BICRAL: variants seen among roughly 807,000 people sequenced by gnomAD.
BICRAL encodes BICRA like chromatin remodeling complex associated protein.
In BICRAL, 8 loss-of-function variants were observed where a neutral mutation model predicts 91.8. The observed-to-expected ratio is 0.09, with a 90% CI of 0.05 to 0.16. BICRAL has a LOEUF of 0.16. BICRAL is among the 10% of genes least tolerant of loss of function. BICRAL has a pLI of 1.00. For synonymous variants in BICRAL, 445 were observed against 491.1 expected (o/e 0.91, Z 1.24); for missense variants, 1,038 against 1,310.9 (o/e 0.79, Z 3.21).
chr6:42,778,270 G>C, upstream of BICRAL, among the ~76,000 whole-genome samples: 1 of 152,322 alleles, frequency 6.6e-6, no homozygotes, highest in South Asian at 2.1e-4. Flanking sequence ...AAACAGCAAA[G>C]ACTGCTTGTT....
At chr6:42,773,360 G>A (rs1486863524) in intron 1 of BICRAL, among the ~76,000 whole-genome samples, 1 of 151,846 alleles carries the variant, frequency 6.6e-6, no homozygotes, top group East Asian at 1.9e-4. Flanking sequence ...TTACAGTCGT[G>A]AGCCACTGCA....
At chr6:42,824,696 T>C (rs1328802863) in intron 5 of BICRAL, among the ~76,000 whole-genome samples, 1 of 152,264 alleles carries the variant, frequency 6.6e-6, no homozygotes, top group Non-Finnish European at 1.5e-5. Flanking sequence ...TGAACCTTGT[T>C]ACATAATAAT....
upstream of BICRAL, among the ~76,000 whole-genome samples, chr6:42,779,873 G>C (rs2113854868): frequency 6.6e-6 from 1 of 152,096 alleles, no homozygotes; most frequent in Non-Finnish European, 1.5e-5. Flanking sequence ...CTCCCATCTT[G>C]GCCTCCCAAA....
intron 1 of BICRAL, among the ~76,000 whole-genome samples, chr6:42,783,067 CGCGGCGAGGAGAGCAGGTCCGGGGT>C (rs1762971909): frequency 6.6e-6 from 1 of 151,598 alleles, no homozygotes; most frequent in African/African-American, 2.4e-5. Context: ...TGCGGGCGGC[CGCGGCGAGGAGAGCAGGTCCGGGGT>C]GCGGCGGGGA....
intron 10 of BICRAL, among the ~76,000 whole-genome samples, chr6:42,858,677 C>T (rs546641304): frequency 4.6e-5 from 7 of 151,636 alleles, no homozygotes; most frequent in Admixed American, 2.0e-4. Flanking sequence ...ATTAGCCAGG[C>T]GTGGTGGCAC....
At chr6:42,779,223 AACACACACACAC>A (rs57493144), upstream of BICRAL, among the ~76,000 whole-genome samples, 4,977 of 132,502 alleles carry the variant, frequency 0.038, 120 homozygotes, top group Middle Eastern at 0.06. Context: ...TCTCAAGAAA[AACACACACACAC>A]ACACACACAC....
intron 2 of BICRAL, among the ~76,000 whole-genome samples, chr6:42,811,808 G>A (rs1374581074): frequency 6.6e-6 from 1 of 152,182 alleles, no homozygotes; most frequent in African/African-American, 2.4e-5. Context: ...ACATAGGGCA[G>A]AGAATAGTTT....
intron 1 of BICRAL, among the ~76,000 whole-genome samples, chr6:42,755,834 TA>T (rs202028143): frequency 4.0e-5 from 6 of 151,780 alleles, no homozygotes; most frequent in Admixed American, 6.6e-5. Context: ...CACGCCCGGC[TA>T]ATTTTTTTTT....
intron 2 of BICRAL, among the ~76,000 whole-genome samples, chr6:42,820,774 C>A (rs749966378): frequency 1.6e-4 from 24 of 152,216 alleles, no homozygotes; most frequent in Non-Finnish European, 3.4e-4. Flanking sequence ...CTGGATTCTA[C>A]TCACAGGGTT....
At chr6:42,798,193 G>T (rs1333133610) in intron 1 of BICRAL, among the ~76,000 whole-genome samples, 4 of 151,284 alleles carry the variant, frequency 2.6e-5, no homozygotes, top group Non-Finnish European at 4.4e-5. Context: ...TTAAAAGGGG[G>T]TAGGGAGGGA....
intron 1 of BICRAL, among the ~76,000 whole-genome samples, chr6:42,798,776 G>A (rs113373984): frequency 6.6e-6 from 1 of 152,182 alleles, no homozygotes; most frequent in Non-Finnish European, 1.5e-5. Flanking sequence ...CTCTAGATTT[G>A]TTTTAATTTT....
intron 1 of BICRAL, among the ~76,000 whole-genome samples, chr6:42,805,496 C>T (rs1216162425): frequency 2.0e-5 from 3 of 152,150 alleles, no homozygotes; most frequent in Non-Finnish European, 4.4e-5. Flanking sequence ...TGAATAAACA[C>T]ACTCTCCCTG....
chr6:42,772,574 A>G (rs925569747), intron 1 of BICRAL, among the ~76,000 whole-genome samples: 10 of 152,216 alleles, frequency 6.6e-5, no homozygotes, highest in South Asian at 2.1e-4. Flanking sequence ...TTGAAAGTAC[A>G]TATACCACTT....
At chr6:42,838,060 T>G (rs1367480784) in intron 6 of BICRAL, among the ~76,000 whole-genome samples, 1 of 152,208 alleles carries the variant, frequency 6.6e-6, no homozygotes, top group African/African-American at 2.4e-5. Flanking sequence ...CATTTATACT[T>G]TATTTATATA....
In BICRAL at chr6:42,829,214, A is replaced by G. The variant is rs778298538; in HGVS notation, c.881A>G (p.His294Arg). Residue 294 changes from histidine to arginine, a missense_variant, in exon 6 of 13, where the codon CAT becomes CGT. Physicochemically the swap from His to Arg is conservative, Grantham distance 29 (BLOSUM62 0). Transcript: ENST00000314073. ...STNFQTSLPV[H>R]NIIIQRGLAP... ...AATTTTCAAACATCTTTACCTGTGC[A>G]TAACATCATCATACAAAGGGGTCTT... 2.5e-6 allele frequency: 4 copies of G among 1,614,106 alleles called. No homozygotes were observed. Among genetic ancestry groups the G allele is most frequent in the Admixed American group, 1.7e-5 (1 of 60,002 alleles).
rs758423036 is a variant in BICRAL, at chr6:42,806,513, AT to A, written c.-101-3776del. ...AGGCATGTGCCACCACACCCAGCTA[AT>A]TTTTTTTTTTTTTTTTGAGACGGGG... On this transcript the variant is annotated intron_variant, in intron 1 of 12. Transcript: ENST00000314073. Among the ~76,000 whole-genome samples the A allele has an allele frequency of 7.2e-3, 1,003 of 140,102 alleles. 1 individual carries two copies. The highest frequency in any genetic ancestry group is 9.2e-3 in the Non-Finnish European group (591 of 63,912). The allele number at this position is 140,102 out of a possible 152,430, so 91.9% of individuals were successfully genotyped here. A position where few individuals can be genotyped will look rare whatever the true frequency, so the allele number is the denominator to read the frequency against.
chr6:42,767,838 A>G (rs1762656618), intron 1 of BICRAL, among the ~76,000 whole-genome samples: 1 of 152,192 alleles, frequency 6.6e-6, no homozygotes, highest in Non-Finnish European at 1.5e-5. Flanking sequence ...TGTCCATAGG[A>G]AAGGAACACC....
Position 42,839,439 on chromosome 6 carries a change from C to T in BICRAL, c.1839+9267C>T, listed in dbSNP as rs553879827. Among the ~76,000 whole-genome samples the T allele has an allele frequency of 1.6e-4, 24 of 152,072 alleles. No individual in the cohort carries two copies. The South Asian group carries it at 2.9e-3, about 18-fold the overall frequency. ...GATTACAGATGTGACCTACCAGGCC[C>T]GGCCCAGGATTTTTTATGTTTGTTT... is the stretch of plus-strand genomic sequence containing the variant. On this transcript the variant is annotated intron_variant, in intron 6 of 12. Coordinates refer to ENST00000314073, the MANE Select transcript of BICRAL (RefSeq NM_001393499.1).
In BICRAL at chr6:42,864,944, A is replaced by C; in HGVS notation, c.2738A>C (p.Gln913Pro). 6.2e-7 allele frequency: 1 copy of C among 1,614,206 alleles called. No individual in the cohort carries two copies. Among genetic ancestry groups the C allele is most frequent in the Non-Finnish European group, 8.5e-7 (1 of 1,180,044 alleles). The change falls in exon 13 of 13, where the codon CAG becomes CCG. Residue 913 changes from glutamine to proline, a missense_variant. By Grantham distance (76) the Gln-to-Pro change is moderately conservative (BLOSUM62 -1). Around this residue, in one of 5 missense-constraint regions of BICRAL, gnomAD observed 294 missense variants for 292.6 expected, o/e 1.00. Coordinates refer to ENST00000314073, the MANE Select transcript of BICRAL (RefSeq NM_001393499.1). ...AAATTTGACAAAGTGGGCTTAGTGC[A>C]GTACCAGAGCACGTCTGAAGAGAAG... is the stretch of plus-strand genomic sequence containing the variant. The part of the protein sequence containing the change: ...ALKFDKVGLV[Q>P]YQSTSEEKAS...
Sources: allele counts gnomAD v4.1 joint callset (sites outside exome capture counted in the v4.1 genomes callset), GRCh38; gene constraint gnomAD v4.1.1; regional missense constraint gnomAD v4.1.1; transcripts MANE v1.5; gene names NCBI Gene and HGNC (gene_info 2026-07-23, HGNC 2026-07-21).